PDE10A: variants seen among roughly 807,000 people sequenced by gnomAD.
PDE10A encodes the protein phosphodiesterase 10A.
Under a neutral mutation model 97.7 loss-of-function variants are expected in PDE10A, and 39 were observed. The observed-to-expected ratio is 0.40, with a 90% CI of 0.31 to 0.52. The LOEUF is 0.52. Among genes scored for constraint, PDE10A ranks in the 20% least tolerant of loss-of-function variants. The pLI, the probability that PDE10A is intolerant of heterozygous loss-of-function variation, is 0.56. For missense variants in PDE10A, 731 were observed against 1,047.8 expected (o/e 0.70, Z 4.17); for synonymous variants, 371 against 376.8 (o/e 0.98, Z 0.18).
At chr6:165,632,068 C>T (rs1788654923) in intron 1 of PDE10A, among the ~76,000 whole-genome samples, 1 of 152,026 alleles carries the variant, frequency 6.6e-6, no homozygotes, top group South Asian at 2.1e-4. Flanking sequence ...GGCATGGTGG[C>T]ACATGCCTGT....
Position 165,331,968 on chromosome 6 carries a change from A to C in PDE10A, c.*1057T>G, listed in dbSNP as rs1781368642. On this transcript the variant is annotated 3_prime_UTR_variant, in exon 22 of 22. Transcript: ENST00000539869. ...GCAGTACGTGGAAGAGATAAGTGAG[A>C]GGTGACTGCGGCAGGTCAGAGTAAA... The C allele has an allele frequency of 6.6e-6, 1 of 152,224 alleles. No individual in the cohort carries two copies. The allele number at this position is 152,224 out of a possible 1,614,324, so 9.4% of individuals were successfully genotyped here.
At chr6:165,509,717 ATTTG>A (rs1438888735) in intron 2 of PDE10A, among the ~76,000 whole-genome samples, 2 of 151,564 alleles carry the variant, frequency 1.3e-5, no homozygotes, top group Non-Finnish European at 2.9e-5. Flanking sequence ...ATATCTTTCC[ATTTG>A]TTTGTATCCT....
intron 1 of PDE10A, among the ~76,000 whole-genome samples, chr6:165,669,240 C>T (rs1466748470): frequency 6.6e-6 from 1 of 152,216 alleles, no homozygotes; most frequent in Admixed American, 6.5e-5. Context: ...CTCTATAGGA[C>T]TGATTAGTGA....
chr6:165,467,629 C>CA (rs1008101884), intron 3 of PDE10A, among the ~76,000 whole-genome samples: 6 of 151,958 alleles, frequency 3.9e-5, no homozygotes, highest in African/African-American at 7.3e-5. Context: ...GCTACTGCTC[C>CA]AAAAAAAATT....
Position 165,661,884 on chromosome 6 carries a change from C to A in PDE10A, c.865+63G>T. ...CTTCCCACCCAGCAGTCCAAGCCCC[C>A]CACCTGCCCCCAGGGGATGAGGAGC... On this transcript the variant is annotated intron_variant, in intron 1 of 21. Coordinates refer to ENST00000539869, the MANE Select transcript of PDE10A (RefSeq NM_001385079.1). This position sits in a 1 kb window ranked among gnomAD's most constrained non-coding sequence, Gnocchi z 4.8. 1.3e-6 allele frequency: 1 copy of A among 741,788 alleles called. No individual in the cohort carries two copies. Among genetic ancestry groups the A allele is most frequent in the Non-Finnish European group, 2.4e-6 (1 of 424,182 alleles). 46.0% of individuals were successfully genotyped at this position (741,788 alleles called of 1,614,324 possible).
chr6:165,950,161 T>C (rs970608494), intron 1 of PDE10A, among the ~76,000 whole-genome samples: 1 of 152,234 alleles, frequency 6.6e-6, no homozygotes, highest in Non-Finnish European at 1.5e-5. Flanking sequence ...ATTTCTTTTA[T>C]ATATTTTAAA....
chr6:165,715,398 G>T (rs745895708), intron 1 of PDE10A, among the ~76,000 whole-genome samples: 1 of 152,240 alleles, frequency 6.6e-6, no homozygotes, highest in Admixed American at 6.5e-5. Context: ...CGTCAGCTGA[G>T]CATTATATAA....
chr6:165,428,715 A>G lies in PDE10A; in HGVS notation c.1602-6T>C. ...CTATGTTATCAAAATATGTTCTGAA[A>G]AAAAGAAACATAAATCCTGTAAGTA... On this transcript the variant is annotated splice_region_variant and splice_polypyrimidine_tract_variant and intron_variant, in intron 9 of 21. Coordinates refer to ENST00000539869, the MANE Select transcript of PDE10A (RefSeq NM_001385079.1). 2 of 1,119,386 alleles carry G rather than the reference A, an allele frequency of 1.8e-6. No individual in the cohort carries two copies. Among genetic ancestry groups the G allele is most frequent in the Non-Finnish European group, 1.3e-6 (1 of 747,202 alleles). The allele number at this position is 1,119,386 out of a possible 1,614,324, so 69.3% of individuals were successfully genotyped here. A position where few individuals can be genotyped will look rare whatever the true frequency, so the allele number is the denominator to read the frequency against.
chr6:165,876,289 T>C (rs1781344023), intron 1 of PDE10A, among the ~76,000 whole-genome samples: 1 of 152,182 alleles, frequency 6.6e-6, no homozygotes. Context: ...TCATAGCTAT[T>C]ACCAAATGAA....
intron 1 of PDE10A, among the ~76,000 whole-genome samples, chr6:165,980,743 C>T (rs893920432): frequency 2.0e-5 from 3 of 151,972 alleles, no homozygotes; most frequent in African/African-American, 4.8e-5. Context: ...ACTATTGTTG[C>T]CATGTGTGTA....
At chr6:165,734,164 G>C (rs1459744141) in intron 1 of PDE10A, among the ~76,000 whole-genome samples, 1 of 152,164 alleles carries the variant, frequency 6.6e-6, no homozygotes, top group East Asian at 1.9e-4. Flanking sequence ...TAAAGAAAAA[G>C]TGTTGATAAA....
intron 3 of PDE10A, among the ~76,000 whole-genome samples, chr6:165,470,689 G>A (rs527336092): frequency 1.3e-5 from 2 of 152,298 alleles, no homozygotes; most frequent in East Asian, 1.9e-4. Flanking sequence ...ATAGAAAGAA[G>A]AGAAATGGAA....
chr6:165,967,015 A>G (rs1298695251), intron 1 of PDE10A, among the ~76,000 whole-genome samples: 1 of 152,202 alleles, frequency 6.6e-6, no homozygotes, highest in Non-Finnish European at 1.5e-5. Flanking sequence ...AGAGACAGAA[A>G]TTTGACTGCT....
intron 2 of PDE10A, among the ~76,000 whole-genome samples, chr6:165,521,141 G>A (rs1782106419): frequency 6.6e-6 from 1 of 152,108 alleles, no homozygotes; most frequent in African/African-American, 2.4e-5. Flanking sequence ...TGTAATCAGT[G>A]ATCTTTGATG....
intron 1 of PDE10A, among the ~76,000 whole-genome samples, chr6:165,675,569 A>G (rs1173680856): frequency 6.6e-6 from 1 of 152,214 alleles, no homozygotes; most frequent in Non-Finnish European, 1.5e-5. Flanking sequence ...GGAGGCCTCC[A>G]GAGAAAATCT....
At chr6:165,730,078 A>G (rs1306800817) in intron 1 of PDE10A, among the ~76,000 whole-genome samples, 3 of 152,076 alleles carry the variant, frequency 2.0e-5, no homozygotes, top group Non-Finnish European at 4.4e-5. Context: ...TCTATCTTGT[A>G]TATCTATCTT....
intron 2 of PDE10A, among the ~76,000 whole-genome samples, chr6:165,485,358 C>G (rs2128283219): frequency 6.6e-6 from 1 of 151,336 alleles, no homozygotes; most frequent in South Asian, 2.1e-4. Flanking sequence ...ATCCCAGCTA[C>G]TCTGGAGGCT....
chr6:165,643,307 A>G (rs960886034), intron 1 of PDE10A, among the ~76,000 whole-genome samples: 1 of 151,994 alleles, frequency 6.6e-6, no homozygotes, highest in African/African-American at 2.4e-5. Context: ...GGGTGTACAG[A>G]TGTATGGACA....
intron 1 of PDE10A, among the ~76,000 whole-genome samples, chr6:165,618,531 G>A (rs1787829872): frequency 6.6e-6 from 1 of 152,140 alleles, no homozygotes; most frequent in Non-Finnish European, 1.5e-5. Flanking sequence ...AAGACATTAA[G>A]GAAACAATGG....
Sources: gnomAD v4.1 joint callset for allele counts (sites outside exome capture counted in the v4.1 genomes callset) on GRCh38, gnomAD v4.1.1 for gene constraint, Gnocchi (gnomAD v3.1) non-coding constraint, MANE v1.5 for transcripts, NCBI Gene and HGNC (gene_info 2026-07-23, HGNC 2026-07-21) for gene names.